C14orf39: variants seen among roughly 807,000 people sequenced by gnomAD.
The protein encoded by C14orf39 is protein SIX6OS1.
Under a neutral mutation model 85.6 loss-of-function variants are expected in C14orf39, and 66 were observed. That is an observed-to-expected ratio of 0.77 (90% CI 0.63 to 0.95). The LOEUF (loss-of-function observed/expected upper bound fraction) is 0.95, where lower values mean the gene tolerates loss of function less well. C14orf39 is among the 40% of genes least tolerant of loss of function. The probability of loss-of-function intolerance (pLI) is 0.00; values close to 1 mark genes in which losing one functional copy is unlikely to be tolerated. For synonymous variants in C14orf39, 242 were observed against 214.0 expected (o/e 1.13, Z -1.14); for missense variants, 735 against 663.9 (o/e 1.11, Z -1.18).
intron 17 of C14orf39, among the ~76,000 whole-genome samples, chr14:60,440,188 C>T (rs1196619140): frequency 2.6e-5 from 4 of 152,138 alleles, no homozygotes; most frequent in Non-Finnish European, 5.9e-5. Flanking sequence ...ATAAAAATTC[C>T]AAAATCTGTG....
At chr14:60,438,551 T>C (rs189832854) in intron 17 of C14orf39, among the ~76,000 whole-genome samples, 2 of 152,094 alleles carry the variant, frequency 1.3e-5, no homozygotes, top group Non-Finnish European at 2.9e-5. Flanking sequence ...GCATTATAGG[T>C]GCTATGGGGA....
intron 10 of C14orf39, 42 bp downstream of exon 10, chr14:60,466,874 TG>T: frequency 7.0e-7 from 1 of 1,422,436 alleles, no homozygotes; most frequent in Non-Finnish European, 9.2e-7. Context: ...TCTGTGTGTT[TG>T]CAAAAAAAAT....
At chr14:60,509,523 C>T (rs1477173742) in intron 1 of C14orf39, 1 of 1,607,330 alleles carries the variant, frequency 6.2e-7, no homozygotes, top group Non-Finnish European at 8.5e-7. Flanking sequence ...GTGGCCCCTG[C>T]GGCCTGCGAG....
At chr14:60,511,562 G>T in intron 1 of C14orf39, 1 of 533,532 alleles carries the variant, frequency 1.9e-6, no homozygotes, top group Non-Finnish European at 3.4e-6. Context: ...CTGAGCGCCT[G>T]CCCAGATTCT....
rs749238375 is a variant in C14orf39 at position 60,491,709 on chromosome 14, C to T, written c.-8-6623G>A. Among the ~76,000 whole-genome samples, 1 of 152,162 alleles carries T rather than the reference C, an allele frequency of 6.6e-6. No individual in the cohort carries two copies. Among genetic ancestry groups the T allele is most frequent in the South Asian group, 2.1e-4 (1 of 4,834 alleles). On this transcript the variant is annotated intron_variant, in intron 2 of 5. Coordinates refer to the C14orf39 transcript ENST00000556799. This position sits in a 1 kb window ranked among gnomAD's most constrained non-coding sequence, Gnocchi z 4.5. ...TCATTCTCTCACCTGGATTATTGTA[C>T]TAACTTCCAAACTGGTTTTGCCACA...
chr14:60,513,826 G>A (rs1232806761), intron 1 of C14orf39, among the ~76,000 whole-genome samples: 1 of 152,116 alleles, frequency 6.6e-6, no homozygotes, highest in Non-Finnish European at 1.5e-5. Flanking sequence ...ACAGTTTATT[G>A]CTTGGACAAA....
At chr14:60,508,903 G>C in intron 1 of C14orf39, 1 of 176,478 alleles carries the variant, frequency 5.7e-6, no homozygotes, top group Non-Finnish European at 1.2e-5. Flanking sequence ...CGGGGTGGGG[G>C]AGGGAGGAGT....
At chr14:60,485,702 C>G (rs1892854428) in intron 1 of C14orf39, among the ~76,000 whole-genome samples, 1 of 152,142 alleles carries the variant, frequency 6.6e-6, no homozygotes, top group Non-Finnish European at 1.5e-5. Flanking sequence ...TGGGAGTTCG[C>G]CGGCCGACTC....
intron 16 of C14orf39, among the ~76,000 whole-genome samples, chr14:60,444,859 A>C (rs1890686163): frequency 6.6e-6 from 1 of 152,364 alleles, no homozygotes; most frequent in Non-Finnish European, 1.5e-5. Flanking sequence ...TCAGACTAAC[A>C]GCAGATCTCT....
intron 1 of C14orf39, chr14:60,509,355 C>G: frequency 6.4e-7 from 1 of 1,553,654 alleles, no homozygotes; most frequent in Non-Finnish European, 8.8e-7. Context: ...TGCTGCGTGT[C>G]CCGCTCCGGG....
At chr14:60,468,078 A>G (rs1891883231) in intron 9 of C14orf39, among the ~76,000 whole-genome samples, 1 of 151,670 alleles carries the variant, frequency 6.6e-6, no homozygotes, top group Non-Finnish European at 1.5e-5. Flanking sequence ...GTCAAGGTGG[A>G]CAGGGTGATA....
Position 60,485,129 on chromosome 14 carries a change from G to A in C14orf39, c.-8-43C>T, listed in dbSNP as rs772497228. On this transcript the variant is annotated intron_variant, in intron 1 of 17. Coordinates refer to ENST00000321731, the MANE Select transcript of C14orf39 (RefSeq NM_174978.3). ...AAAAATTATAAGATTTTCTGAAGTC[G>A]TATGCAAAACAGGATATATTTCGTA... is the stretch of plus-strand genomic sequence containing the variant. 8 of 1,504,484 alleles carry A rather than the reference G, an allele frequency of 5.3e-6. No homozygotes were observed. In the South Asian group the frequency reaches 8.4e-5, roughly 16 times the overall value. 93.2% of individuals were successfully genotyped at this position (1,504,484 alleles called of 1,614,324 possible).
chr14:60,489,147 C>A (rs566603527), upstream of C14orf39, among the ~76,000 whole-genome samples: 11 of 152,292 alleles, frequency 7.2e-5, no homozygotes, highest in East Asian at 2.1e-3. Flanking sequence ...TCTTTATATG[C>A]TTTCCATCAA....
At chr14:60,482,871 T>C (rs1047621296) in intron 4 of C14orf39, among the ~76,000 whole-genome samples, 36 of 133,258 alleles carry the variant, frequency 2.7e-4, no homozygotes, top group Non-Finnish European at 5.3e-4. Context: ...AATACAGCTA[T>C]ATAGACAGGT....
intron 1 of C14orf39, chr14:60,511,122 C>T: frequency 1.2e-6 from 2 of 1,612,850 alleles, no homozygotes; most frequent in Non-Finnish European, 1.7e-6. Flanking sequence ...TCCGGGCGGG[C>T]ACTACGGGCG....
chr14:60,477,277 GTCTATA>G (rs939178732), intron 5 of C14orf39, among the ~76,000 whole-genome samples: 83 of 152,126 alleles, frequency 5.5e-4, no homozygotes, highest in African/African-American at 1.8e-3. Context: ...TCAAAATGAA[GTCTATA>G]TCTATAACTT....
chr14:60,515,369 G>A lies in C14orf39; in HGVS notation c.-144+26C>T, dbSNP rs958298670. 1 of 152,164 alleles carries A rather than the reference G, an allele frequency of 6.6e-6. No individual in the cohort carries two copies. The highest frequency in any genetic ancestry group is 2.4e-5 in the African/African-American group (1 of 41,406). The allele number at this position is 152,164 out of a possible 1,614,324, so 9.4% of individuals were successfully genotyped here. A position where few individuals can be genotyped will look rare whatever the true frequency, so the allele number is the denominator to read the frequency against. ...CCACAGATCTGGGTCCCCGAGGAAG[G>A]AGAGCCCCCCTTTTCGCGCACCCAC... On this transcript the variant is annotated intron_variant, in intron 1 of 5. Coordinates refer to the C14orf39 transcript ENST00000556799. This position sits in a 1 kb window ranked among gnomAD's most constrained non-coding sequence, Gnocchi z 6.2.
intron 1 of C14orf39, among the ~76,000 whole-genome samples, chr14:60,502,972 T>C (rs564519741): frequency 6.6e-6 from 1 of 152,246 alleles, no homozygotes; most frequent in Non-Finnish European, 1.5e-5. Flanking sequence ...AATAGACTTC[T>C]GTAGTTGTAA....
chr14:60,515,357 T>C lies in C14orf39; in HGVS notation c.-144+38A>G, dbSNP rs4278669. On this transcript the variant is annotated intron_variant, in intron 1 of 5. Transcript: ENST00000556799. This position sits in a 1 kb window ranked among gnomAD's most constrained non-coding sequence, Gnocchi z 6.2. ...TCCCCACGGAGGCCACAGATCTGGG[T>C]CCCCGAGGAAGGAGAGCCCCCCTTT... 0.87 allele frequency: 131,526 copies of C among 151,668 alleles called. 57,573 individuals are homozygous for C. The highest frequency in any genetic ancestry group is 0.92 in the Non-Finnish European group (62,537 of 67,970). 9.4% of individuals were successfully genotyped at this position (151,668 alleles called of 1,614,324 possible). A position where few individuals can be genotyped will look rare whatever the true frequency, so the allele number is the denominator to read the frequency against.
Sources: gnomAD v4.1 joint callset for allele counts (sites outside exome capture counted in the v4.1 genomes callset) on GRCh38, gnomAD v4.1.1 for gene constraint, Gnocchi (gnomAD v3.1) non-coding constraint, MANE v1.5 for transcripts, NCBI Gene and HGNC (gene_info 2026-07-23, HGNC 2026-07-21) for gene names.